Variants in NDUFAF2 observed in about 807,000 individuals in gnomAD.
The protein encoded by NDUFAF2 is NADH dehydrogenase [ubiquinone] 1 alpha subcomplex assembly factor 2.
In NDUFAF2, 13 loss-of-function variants were observed where a neutral mutation model predicts 22.8. The ratio of observed to expected loss-of-function variants is 0.57; its 90% CI spans 0.37 to 0.91. The LOEUF is 0.91. NDUFAF2 is among the 40% of genes least tolerant of loss of function. The probability of loss-of-function intolerance (pLI) is 0.01; values close to 1 mark genes in which losing one functional copy is unlikely to be tolerated. For synonymous variants in NDUFAF2, 53 were observed against 64.2 expected (o/e 0.83, Z 0.84); for missense variants, 162 against 195.2 (o/e 0.83, Z 1.01).
At chr5:61,054,046 T>G (rs1752058081) in intron 1 of NDUFAF2, among the ~76,000 whole-genome samples, 1 of 151,840 alleles carries the variant, frequency 6.6e-6, no homozygotes, top group Non-Finnish European at 1.5e-5. Flanking sequence ...ACAAAAAATT[T>G]AAAACTTAGC....
intron 1 of NDUFAF2, among the ~76,000 whole-genome samples, chr5:61,062,230 A>G (rs1752173594): frequency 6.6e-6 from 1 of 152,208 alleles, no homozygotes; most frequent in Admixed American, 6.5e-5. Context: ...AAGTTTACTA[A>G]TTGTCTAAAA....
chr5:61,115,481 A>G lies in NDUFAF2; in HGVS notation c.258+16449A>G, dbSNP rs563689299. On this transcript the variant is annotated intron_variant, in intron 3 of 3. Coordinates refer to ENST00000296597, the MANE Select transcript of NDUFAF2 (RefSeq NM_174889.5). ...CTTTTTTGGTGTGAATAGTTTTTCA[A>G]TTTGGTGTTCCTGCAGTGAGGATGA... is the stretch of plus-strand genomic sequence containing the variant. The G allele has an allele frequency of 3.9e-5, 6 of 152,340 alleles. No homozygotes were observed. In the East Asian group the frequency reaches 7.7e-4, roughly 20 times the overall value. 9.4% of individuals were successfully genotyped at this position (152,340 alleles called of 1,614,324 possible).
chr5:61,136,897 C>G (rs1740970421), intron 3 of NDUFAF2, among the ~76,000 whole-genome samples: 1 of 152,226 alleles, frequency 6.6e-6, no homozygotes, highest in East Asian at 1.9e-4. Context: ...GTATTTTCAT[C>G]CTGCCCATTA....
chr5:61,090,105 A>G (rs572195132), intron 2 of NDUFAF2, among the ~76,000 whole-genome samples: 10 of 152,222 alleles, frequency 6.6e-5, no homozygotes, highest in East Asian at 1.9e-4. Flanking sequence ...ATCATTAGTT[A>G]AAAGTATAAT....
At chr5:61,127,013 C>T (rs567604648) in intron 3 of NDUFAF2, among the ~76,000 whole-genome samples, 55 of 151,994 alleles carry the variant, frequency 3.6e-4, no homozygotes, top group Non-Finnish European at 6.6e-4. Flanking sequence ...AACACCTCTA[C>T]GCAAATAAAC....
intron 1 of NDUFAF2, among the ~76,000 whole-genome samples, chr5:60,962,389 T>G (rs1418648081): frequency 6.6e-6 from 1 of 152,224 alleles, no homozygotes; most frequent in Non-Finnish European, 1.5e-5. Context: ...ACCTTTCATG[T>G]TCCAATTCTT....
intron 1 of NDUFAF2, among the ~76,000 whole-genome samples, chr5:60,957,865 G>C (rs1022658114): frequency 1.3e-5 from 2 of 152,058 alleles, no homozygotes; most frequent in Non-Finnish European, 2.9e-5. Flanking sequence ...TGTTCTTTTG[G>C]TGTTTTCTTT....
intron 3 of NDUFAF2, among the ~76,000 whole-genome samples, chr5:61,099,462 T>A (rs6862622): frequency 0.14 from 21,307 of 150,720 alleles, 1,812 homozygotes; most frequent in African/African-American, 0.24. Context: ...TAATATTATG[T>A]ATTTAAATCC....
chr5:60,960,725 T>C (rs1350584539), intron 1 of NDUFAF2, among the ~76,000 whole-genome samples: 1 of 152,200 alleles, frequency 6.6e-6, no homozygotes, highest in Non-Finnish European at 1.5e-5. Context: ...GAAATGTACC[T>C]GATTTTTTTT....
chr5:61,128,140 A>G (rs1753061470), intron 3 of NDUFAF2, among the ~76,000 whole-genome samples: 1 of 152,218 alleles, frequency 6.6e-6, no homozygotes, highest in African/African-American at 2.4e-5. Context: ...GCTCAATGAA[A>G]TAAAAGAAGA....
At chr5:60,965,887 A>G (rs912167483) in intron 1 of NDUFAF2, among the ~76,000 whole-genome samples, 1 of 152,162 alleles carries the variant, frequency 6.6e-6, no homozygotes, top group Non-Finnish European at 1.5e-5. Context: ...TATACCCAGT[A>G]GTGGGATTGC....
Position 61,125,980 on chromosome 5 carries a change from G to T in NDUFAF2, c.259-26724G>T, listed in dbSNP as rs567119761. Among the ~76,000 whole-genome samples the T allele has an allele frequency of 4.6e-5, 7 of 152,074 alleles. 1 individual carries two copies. Among genetic ancestry groups the T allele is most frequent in the African/African-American group, 1.7e-4 (7 of 41,532 alleles). On this transcript the variant is annotated intron_variant, in intron 3 of 3. Transcript: ENST00000296597. ...GTTAGCATAGAAATTCAATTATACA[G>T]AAAGAGAAATAATACAGTAGTACCA...
At chr5:60,951,894 T>C (rs1350876964) in intron 1 of NDUFAF2, among the ~76,000 whole-genome samples, 1 of 152,082 alleles carries the variant, frequency 6.6e-6, no homozygotes, top group Non-Finnish European at 1.5e-5. Context: ...AAATTTAATA[T>C]CTTTGGCAGG....
At chr5:61,038,337 C>T (rs1349140654) in intron 1 of NDUFAF2, among the ~76,000 whole-genome samples, 1 of 152,090 alleles carries the variant, frequency 6.6e-6, no homozygotes, top group Admixed American at 6.6e-5. Context: ...AATAATTGTG[C>T]ATTATTACCC....
intron 1 of NDUFAF2, among the ~76,000 whole-genome samples, chr5:61,050,121 T>TTA (rs1032496468): frequency 4.6e-5 from 7 of 152,000 alleles, no homozygotes; most frequent in African/African-American, 1.7e-4. Flanking sequence ...GGTAATACTA[T>TTA]TATATATATA....
At chr5:61,022,121 T>C (rs1247820293) in intron 1 of NDUFAF2, among the ~76,000 whole-genome samples, 1 of 152,198 alleles carries the variant, frequency 6.6e-6, no homozygotes, top group Non-Finnish European at 1.5e-5. Context: ...GAAAACAACT[T>C]TACAGAAACA....
intron 2 of NDUFAF2, among the ~76,000 whole-genome samples, chr5:61,088,007 C>T (rs1752524006): frequency 6.6e-6 from 1 of 152,078 alleles, no homozygotes. Flanking sequence ...GTAATCAACC[C>T]AAGGCTGGGT....
At chr5:60,999,877 C>A (rs55659107) in intron 1 of NDUFAF2, among the ~76,000 whole-genome samples, 3,048 of 152,078 alleles carry the variant, frequency 0.02, 122 homozygotes, top group African/African-American at 0.07. Flanking sequence ...AGATCTCTTA[C>A]TATTTTGCTT....
chr5:61,143,687 GAA>G (rs1741089013), intron 3 of NDUFAF2, among the ~76,000 whole-genome samples: 1 of 152,146 alleles, frequency 6.6e-6, no homozygotes, highest in East Asian at 1.9e-4. Flanking sequence ...ACAGAAGACT[GAA>G]AAAGAACCCA....
Sources: gnomAD v4.1 joint callset for allele counts (sites outside exome capture counted in the v4.1 genomes callset) on GRCh38, gnomAD v4.1.1 for gene constraint, MANE v1.5 for transcripts, NCBI Gene and HGNC (gene_info 2026-07-23, HGNC 2026-07-21) for gene names.